The following XKR7 variants were observed in gnomAD, a reference collection of about 807,000 sequenced individuals.
XKR7 encodes XK related 7.
XKR7 carries 11 observed loss-of-function variants against 42.2 expected under a neutral mutation model. The ratio of observed to expected loss-of-function variants is 0.26; its 90% CI spans 0.16 to 0.43. The LOEUF is 0.43. XKR7 is among the 20% of genes least tolerant of loss of function. The pLI is 1.00. For synonymous variants in XKR7, 346 were observed against 366.4 expected, an observed-to-expected ratio of 0.94 and a Z score of 0.64; for missense variants, 710 against 802.2, an observed-to-expected ratio of 0.89 and a Z score of 1.39.
chr20:31,985,765 G>A (rs1226100327), intron 1 of XKR7, among the ~76,000 whole-genome samples: 1 of 136,250 alleles, frequency 7.3e-6, no homozygotes, highest in African/African-American at 2.9e-5. Flanking sequence ...CTACCAAGCA[G>A]ACCCAGCATC....
intron 1 of XKR7, among the ~76,000 whole-genome samples, chr20:31,989,885 TTC>T (rs1238620811): frequency 1.9e-4 from 29 of 152,314 alleles, no homozygotes; most frequent in African/African-American, 6.5e-4. Context: ...AATGTTGGGA[TTC>T]CAGGCATGAG....
intron 1 of XKR7, chr20:31,970,599 G>C (rs2064460835): frequency 6.6e-6 from 1 of 152,224 alleles, no homozygotes; most frequent in Non-Finnish European, 1.5e-5. Flanking sequence ...GTGGCTTGTG[G>C]AAGTGTTTTG....
intron 1 of XKR7, among the ~76,000 whole-genome samples, chr20:31,977,594 A>G (rs1286171851): frequency 6.6e-6 from 1 of 152,134 alleles, no homozygotes; most frequent in Admixed American, 6.5e-5. Flanking sequence ...CATCTACTAC[A>G]ATGACTATTA....
rs1420636852 is a variant in XKR7, at chr20:31,995,052, C to T, written c.585-16C>T. 26 of 1,541,318 alleles carry T rather than the reference C, an allele frequency of 1.7e-5. No homozygotes were observed. In the Admixed American group the frequency reaches 5.2e-4, roughly 31 times the overall value. ...AACCAGCGCGCGGGAGCCTGAGCAC[C>T]GCGTCCTTCCCGCAGGTACCTGCGC... On this transcript the variant is annotated splice_polypyrimidine_tract_variant and intron_variant, in intron 1 of 2. Transcript: ENST00000562532. This position sits in a 1 kb window ranked among gnomAD's most constrained non-coding sequence, Gnocchi z 4.1.
intron 1 of XKR7, among the ~76,000 whole-genome samples, chr20:31,974,933 C>A (rs6061070): frequency 0.39 from 58,733 of 151,820 alleles, 12,688 homozygotes; most frequent in African/African-American, 0.58. Flanking sequence ...GCCTCCTCCC[C>A]TTGCCCATCC....
intron 1 of XKR7, among the ~76,000 whole-genome samples, chr20:31,981,897 T>TAA (rs1443953188): frequency 4.6e-5 from 7 of 152,152 alleles, no homozygotes; most frequent in Non-Finnish European, 1.0e-4. Context: ...CTTCCCTGCC[T>TAA]CCTTTACCTG....
rs2064626068 is a variant in XKR7, at chr20:32,001,753, T to C, written c.*4296T>C. On this transcript the variant is annotated 3_prime_UTR_variant, in exon 3 of 3. Transcript: ENST00000562532. The stretch of plus-strand genomic sequence containing the variant: ...GGGAGTCCAGGTGCAGGATGTGGAC[T>C]GAAAGCCAGGACCCAAGAGTCCCAT... The C allele has an allele frequency of 6.6e-6, 1 of 152,252 alleles. No individual in the cohort carries two copies. The highest frequency in any genetic ancestry group is 2.4e-5 in the African/African-American group (1 of 41,436). The allele number at this position is 152,252 out of a possible 1,614,324, so 9.4% of individuals were successfully genotyped here. A position where few individuals can be genotyped will look rare whatever the true frequency, so the allele number is the denominator to read the frequency against.
intron 2 of XKR7, 42 bp from the exon 3 acceptor site, chr20:31,996,463 G>GCCCCC: frequency 3.1e-5 from 1 of 32,486 alleles, no homozygotes; most frequent in Non-Finnish European, 5.2e-5. Flanking sequence ...ACCCGAGCCC[G>GCCCCC]CCCCTAACCC....
chr20:31,992,850 G>A (rs1163782052), intron 1 of XKR7, among the ~76,000 whole-genome samples: 1 of 152,104 alleles, frequency 6.6e-6, no homozygotes, highest in Non-Finnish European at 1.5e-5. Flanking sequence ...GGCTTTGAGA[G>A]GGCCACACAG....
chr20:31,997,181 G>A lies in XKR7; in HGVS notation c.1464G>A (p.Ser488=), dbSNP rs559453631. The A allele has an allele frequency of 2.2e-5, 35 of 1,610,228 alleles. No individual in the cohort carries two copies. Among genetic ancestry groups the A allele is most frequent in the Middle Eastern group, 1.6e-4 (1 of 6,062 alleles). The change falls in exon 3 of 3, where the codon TCG becomes TCA. Residue 488 remains serine, a synonymous_variant. Transcript: ENST00000562532. ...CAGGTGCTGAGCGGGATGGGGCCTC[G>A]GCGGGAGAGCGTGCAGGGACCCCCA... is the stretch of plus-strand genomic sequence containing the variant. The part of the protein sequence containing the change: ...RTTGAERDGA[S]AGERAGTPTP...
chr20:31,985,451 G>A (rs1016981095), intron 1 of XKR7, among the ~76,000 whole-genome samples: 1 of 151,892 alleles, frequency 6.6e-6, no homozygotes, highest in African/African-American at 2.4e-5. Context: ...GGAGGAGCAG[G>A]CAGGGGAGGA....
At chr20:31,988,746 G>A (rs2064554614) in intron 1 of XKR7, among the ~76,000 whole-genome samples, 1 of 152,276 alleles carries the variant, frequency 6.6e-6, no homozygotes, top group South Asian at 2.1e-4. Context: ...AGAAAGTGAG[G>A]CCTAACTGGG....
chr20:31,993,381 T>C (rs2064578146), intron 1 of XKR7, among the ~76,000 whole-genome samples: 1 of 152,138 alleles, frequency 6.6e-6, no homozygotes, highest in South Asian at 2.1e-4. Flanking sequence ...TACTTCATAG[T>C]GTGCAAAGTT....
chr20:31,992,965 C>T (rs1370896199), intron 1 of XKR7, among the ~76,000 whole-genome samples: 1 of 152,074 alleles, frequency 6.6e-6, no homozygotes, highest in Non-Finnish European at 1.5e-5. Context: ...AGTGAGTCCC[C>T]TGGTTCCCAA....
intron 1 of XKR7, among the ~76,000 whole-genome samples, chr20:31,974,234 A>G (rs868681149): frequency 6.6e-6 from 1 of 152,144 alleles, no homozygotes; most frequent in African/African-American, 2.4e-5. Context: ...GACTGGAGGG[A>G]GGCAGAGTAA....
intron 2 of XKR7, among the ~76,000 whole-genome samples, 154 bp from the exon 3 acceptor site, chr20:31,996,351 C>A (rs1356812197): frequency 6.6e-6 from 1 of 152,066 alleles, no homozygotes; most frequent in African/African-American, 2.4e-5. Context: ...CTCCCCACCT[C>A]CCAGACCTTC....
chr20:31,968,304 C>T lies in XKR7; in HGVS notation c.129C>T (p.Val43=), dbSNP rs764687104. The change falls in exon 1 of 3, where the codon GTC becomes GTT. Residue 43 remains valine (V), a synonymous_variant. Coordinates refer to ENST00000562532, the MANE Select transcript of XKR7 (RefSeq NM_001011718.2). The surrounding 1 kb of genome is among the most constrained non-coding windows in gnomAD (Gnocchi z 4.5). ...CGGCGGCCGGGCCCCCGGGGGTCGT[C>T]GGGGCGGGCGGCCCGGGGCCGCGCT... ...AAAAAGPPGV[V]GAGGPGPRYE... is the part of the protein sequence containing the mutation. 10 of 1,259,560 alleles carry T rather than the reference C, an allele frequency of 7.9e-6. No individual in the cohort carries two copies. The Admixed American group carries it at 1.2e-4, about 14-fold the overall frequency. The allele number at this position is 1,259,560 out of a possible 1,614,324, so 78.0% of individuals were successfully genotyped here.
chr20:31,998,194 T>C lies in XKR7; in HGVS notation c.*737T>C, dbSNP rs2064606359. The C allele has an allele frequency of 6.6e-6, 1 of 152,060 alleles. No homozygotes were observed. The highest frequency in any genetic ancestry group is 2.4e-5 in the African/African-American group (1 of 41,386). The allele number at this position is 152,060 out of a possible 1,614,324, so 9.4% of individuals were successfully genotyped here. On this transcript the variant is annotated 3_prime_UTR_variant, in exon 3 of 3. Coordinates refer to ENST00000562532, the MANE Select transcript of XKR7 (RefSeq NM_001011718.2). ...TGAACTCCTTAGGAGACGTCTCTTG[T>C]TGTGTTGTGGGCTCTGTGAAGGATG...
chr20:31,968,738 T>A lies in XKR7; in HGVS notation c.563T>A (p.Leu188Gln). 6.5e-7 allele frequency: 1 copy of A among 1,540,370 alleles called. No individual in the cohort carries two copies. The change falls in exon 1 of 3, where the codon CTG (leucine) becomes CAG (glutamine). Residue 188 changes from leucine to glutamine, a missense_variant. Leu to Gln is a moderately radical substitution (Grantham distance 113). Transcript: ENST00000562532. The surrounding 1 kb of genome is among the most constrained non-coding windows in gnomAD (Gnocchi z 4.5). ...IWLLQTLVHL[L>Q]QLGQVWRYLR... ...CTGCTGCAGACCCTCGTCCACCTCC[T>A]GCAGCTCGGCCAGGTCTGGAGGTAG...
Sources: allele counts gnomAD v4.1 joint callset (sites outside exome capture counted in the v4.1 genomes callset), GRCh38; gene constraint gnomAD v4.1.1; non-coding constraint Gnocchi (gnomAD v3.1); transcripts MANE v1.5; gene names NCBI Gene and HGNC (gene_info 2026-07-23, HGNC 2026-07-21).